Variants in RIMS1 observed in about 807,000 individuals in gnomAD.
The protein encoded by RIMS1 is regulating synaptic membrane exocytosis 1.
RIMS1 carries 83 observed loss-of-function variants against 214.1 expected under a neutral mutation model. The ratio of observed to expected loss-of-function variants is 0.39; its 90% CI spans 0.32 to 0.47. The LOEUF (loss-of-function observed/expected upper bound fraction) is 0.47. Among genes scored for constraint, RIMS1 ranks in the 20% least tolerant of loss-of-function variants. The pLI is 0.99. For missense variants in RIMS1, 2,050 were observed against 2,161.8 expected (o/e 0.95, Z 1.03); for synonymous variants, 793 against 786.8 (o/e 1.01, Z -0.13).
chr6:71,976,551 T>C (rs1018183949), intron 2 of RIMS1, among the ~76,000 whole-genome samples: 2 of 152,118 alleles, frequency 1.3e-5, no homozygotes, highest in Non-Finnish European at 2.9e-5. Flanking sequence ...AATAGTCTTT[T>C]CATTTTCTTG....
intron 26 of RIMS1, among the ~76,000 whole-genome samples, chr6:72,302,537 T>C (rs1417029049): frequency 6.6e-6 from 1 of 151,320 alleles, no homozygotes; most frequent in Non-Finnish European, 1.5e-5. Flanking sequence ...GCATAGGAGG[T>C]GTGTCATTTA....
intron 4 of RIMS1, among the ~76,000 whole-genome samples, chr6:72,114,683 G>T (rs1237300755): frequency 6.6e-6 from 1 of 151,852 alleles, no homozygotes; most frequent in African/African-American, 2.4e-5. Context: ...GTGAATGAAT[G>T]AATGGTACTT....
chr6:72,335,058 G>A (rs1281365541), intron 29 of RIMS1, among the ~76,000 whole-genome samples: 1 of 151,718 alleles, frequency 6.6e-6, no homozygotes, highest in Non-Finnish European at 1.5e-5. Context: ...TTGGTGTTTT[G>A]TTTGTTTGTT....
intron 4 of RIMS1, among the ~76,000 whole-genome samples, chr6:72,170,646 T>C (rs60835713): frequency 0.28 from 42,809 of 152,118 alleles, 6,964 homozygotes; most frequent in Non-Finnish European, 0.37. Context: ...CCATTATGTT[T>C]TGTTTCTGTC....
chr6:72,101,377 G>C (rs555035197), intron 4 of RIMS1, among the ~76,000 whole-genome samples: 5 of 152,008 alleles, frequency 3.3e-5, no homozygotes, highest in African/African-American at 1.2e-4. Flanking sequence ...TAAGTACTCT[G>C]TCATAATTTC....
In RIMS1 at chr6:72,333,835, G is replaced by A; in HGVS notation, c.4366G>A (p.Glu1456Lys). 6.4e-7 allele frequency: 1 copy of A among 1,566,484 alleles called. No homozygotes were observed. The highest frequency in any genetic ancestry group is 8.7e-7 in the Non-Finnish European group (1 of 1,153,562). Residue 1456 changes from glutamate to lysine, a missense_variant and splice_region_variant, in exon 29 of 34, where the codon GAG becomes AAG. Glu to Lys is a moderately conservative substitution (Grantham distance 56, BLOSUM62 1). Transcript: ENST00000521978. ...SRSTSQLSQTESGHKKLKSTI... is the reference protein window; with the variant it reads ...SRSTSQLSQTKSGHKKLKSTI... ...AAGCACATCCCAGCTTAGTCAAACAGGTGAGTGATGTGAATTCAACCTAAA... is the reference window on the plus strand; with the variant it reads ...AAGCACATCCCAGCTTAGTCAAACAAGTGAGTGATGTGAATTCAACCTAAA...
intron 2 of RIMS1, among the ~76,000 whole-genome samples, chr6:72,032,242 A>G (rs1225123907): frequency 2.6e-5 from 4 of 152,136 alleles, no homozygotes; most frequent in Non-Finnish European, 4.4e-5. Flanking sequence ...GTAATTAAAC[A>G]GAAAGAATGG....
rs867144369 is a variant in RIMS1, at chr6:72,137,303, A to C, written c.471+37317A>C. Among the ~76,000 whole-genome samples, 57 of 152,258 alleles carry C rather than the reference A, an allele frequency of 3.7e-4. 1 individual carries two copies. Among genetic ancestry groups the C allele is most frequent in the African/African-American group, 1.3e-3 (55 of 41,582 alleles). Reference sequence around the variant, plus strand: ...TCAAACTGCTTTCCAAAAATGTTTTAGCAATTCAGCAGTGTTTGAAGGTAT... The same window carrying C: ...TCAAACTGCTTTCCAAAAATGTTTTCGCAATTCAGCAGTGTTTGAAGGTAT... On this transcript the variant is annotated intron_variant, in intron 4 of 33. Coordinates refer to ENST00000521978, the MANE Select transcript of RIMS1 (RefSeq NM_014989.7).
rs757548948 is a variant in RIMS1, at chr6:72,291,981, C to T, written c.3785C>T (p.Ser1262Leu). The change falls in exon 26 of 34, where the codon TCG becomes TTG. Residue 1262 changes from serine to leucine, a missense_variant. By Grantham distance (145) the Ser-to-Leu change is moderately radical (BLOSUM62 -2). Coordinates refer to ENST00000521978, the MANE Select transcript of RIMS1 (RefSeq NM_014989.7). The stretch of plus-strand genomic sequence containing the variant: ...ACACAATCTCCTCCAGCAGACACAT[C>T]GTTCAGCAGTCGCAGGGGAAGACAG... ...SPTQSPPADT[S>L]FSSRRGRQLP... The T allele has an allele frequency of 1.3e-5, 21 of 1,565,068 alleles. No homozygotes were observed. The African/African-American group carries it at 1.6e-4, about 12-fold the overall frequency.
intron 28 of RIMS1, among the ~76,000 whole-genome samples, chr6:72,324,032 A>ATAGG (rs1249992482): frequency 5.7e-5 from 4 of 70,450 alleles, no homozygotes; most frequent in African/African-American, 2.5e-4. Flanking sequence ...GCATGCATAG[A>ATAGG]TAGATAGATA....
At position 72,324,805 on chromosome 6, in the gene RIMS1, G is replaced by A. The variant is rs182177160; in HGVS notation, c.4131-8795G>A. Among the ~76,000 whole-genome samples the A allele has an allele frequency of 9.3e-3, 1,403 of 151,578 alleles. 15 individuals carry two copies. Among genetic ancestry groups the A allele is most frequent in the African/African-American group, 0.028 (1,165 of 41,338 alleles). ...ATCTATGCCCATTTCCTAATATATC[G>A]TCTATGGCTGTTTTCCCGCCACAAC... On this transcript the variant is annotated intron_variant, in intron 28 of 33. Coordinates refer to ENST00000521978, the MANE Select transcript of RIMS1 (RefSeq NM_014989.7).
At chr6:72,107,328 C>T (rs139213797) in intron 4 of RIMS1, among the ~76,000 whole-genome samples, 2,366 of 152,178 alleles carry the variant, frequency 0.016, 66 homozygotes, top group African/African-American at 0.052. Flanking sequence ...TGGGAGGCTG[C>T]GGGGAGTGGA....
chr6:71,960,809 G>C (rs965718134), intron 1 of RIMS1, among the ~76,000 whole-genome samples: 1 of 152,124 alleles, frequency 6.6e-6, no homozygotes, highest in East Asian at 1.9e-4. Flanking sequence ...GAGTTAGCTA[G>C]AGTTAGAAGC....
At chr6:72,000,709 A>T (rs1429519054) in intron 2 of RIMS1, among the ~76,000 whole-genome samples, 3 of 152,034 alleles carry the variant, frequency 2.0e-5, no homozygotes, top group Admixed American at 6.6e-5. Flanking sequence ...CCACAAATAC[A>T]TTTCCAGTTA....
At chr6:72,385,542 A>T (rs756532270) in intron 29 of RIMS1, among the ~76,000 whole-genome samples, 1 of 152,244 alleles carries the variant, frequency 6.6e-6, no homozygotes, top group Non-Finnish European at 1.5e-5. Flanking sequence ...TAATGGAATG[A>T]TTGCAAGACT....
At chr6:72,023,828 A>G (rs1481734153) in intron 2 of RIMS1, among the ~76,000 whole-genome samples, 2 of 152,192 alleles carry the variant, frequency 1.3e-5, no homozygotes, top group Non-Finnish European at 2.9e-5. Context: ...ATATTAACTC[A>G]TAGAGATATT....
chr6:72,400,754 T>C lies in RIMS1; in HGVS notation c.*40T>C. On this transcript the variant is annotated 3_prime_UTR_variant, in exon 34 of 34. Coordinates refer to ENST00000521978, the MANE Select transcript of RIMS1 (RefSeq NM_014989.7). ...AGTCATTCCAATAAAACTCTACTTT[T>C]CAGGATAATAATCTGAACCAGATAT... The C allele has an allele frequency of 6.9e-7, 1 of 1,443,514 alleles. No homozygotes were observed. Among genetic ancestry groups the C allele is most frequent in the Non-Finnish European group, 9.7e-7 (1 of 1,035,172 alleles). The allele number at this position is 1,443,514 out of a possible 1,614,324, so 89.4% of individuals were successfully genotyped here. A position where few individuals can be genotyped will look rare whatever the true frequency, so the allele number is the denominator to read the frequency against.
rs1435336209 is a variant in RIMS1 at position 72,233,829 on chromosome 6, C to T, written c.1735C>T (p.Pro579Ser). 5.1e-6 allele frequency: 8 copies of T among 1,577,260 alleles called. No homozygotes were observed. Among genetic ancestry groups the T allele is most frequent in the Non-Finnish European group, 6.9e-6 (8 of 1,159,022 alleles). The change falls in exon 7 of 34, where the codon CCT becomes TCT. Residue 579 changes from proline (P) to serine (S), a missense_variant. Transcript: ENST00000521978. ...PATWHSRETS[P>S]ISSHPVTWQP... ...CACGTGGCACAGCCGGGAGACATCA[C>T]CTATTAGTTCGGTAAGTTTTCTGGA...
chr6:72,368,505 AGGAT>A (rs1353230034), intron 29 of RIMS1, among the ~76,000 whole-genome samples: 2 of 151,252 alleles, frequency 1.3e-5, no homozygotes, highest in East Asian at 3.9e-4. Context: ...CGTGTTAGCC[AGGAT>A]GGTCTCGATC....
Sources: gnomAD v4.1 joint callset for allele counts (sites outside exome capture counted in the v4.1 genomes callset) on GRCh38, gnomAD v4.1.1 for gene constraint, MANE v1.5 for transcripts, NCBI Gene and HGNC (gene_info 2026-07-23, HGNC 2026-07-21) for gene names.